Variants in FOXK2 observed in about 807,000 individuals in gnomAD.
FOXK2 encodes forkhead box K2.
A neutral mutation model predicts 53.3 loss-of-function variants in FOXK2; 24 were observed. The ratio of observed to expected loss-of-function variants is 0.45; its 90% CI spans 0.33 to 0.63. The LOEUF (loss-of-function observed/expected upper bound fraction) is 0.63. Among genes scored for constraint, FOXK2 ranks in the 30% least tolerant of loss-of-function variants. The pLI is 0.03. For missense variants in FOXK2, 952 were observed against 910.5 expected, an observed-to-expected ratio of 1.05 and a Z score of -0.59; for synonymous variants, 505 against 407.1, an observed-to-expected ratio of 1.24 and a Z score of -2.89.
intron 8 of FOXK2, among the ~76,000 whole-genome samples, chr17:82,596,640 T>C (rs1598241385): frequency 6.6e-6 from 1 of 152,246 alleles, no homozygotes; most frequent in Admixed American, 6.5e-5. Context: ...CTTTGTTCTT[T>C]TTAAAAATCG....
intron 1 of FOXK2, among the ~76,000 whole-genome samples, chr17:82,555,497 A>G (rs527941845): frequency 6.6e-6 from 1 of 152,312 alleles, no homozygotes; most frequent in Admixed American, 6.5e-5. Flanking sequence ...ACCTGAAAAC[A>G]GTTTTAATGT....
At position 82,557,921 on chromosome 17, in the gene FOXK2, G is replaced by A. The variant is rs540681462; in HGVS notation, c.420-5433G>A. Among the ~76,000 whole-genome samples, 31 of 152,188 alleles carry A rather than the reference G, an allele frequency of 2.0e-4. 1 individual carries two copies. The South Asian group carries it at 5.2e-3, about 25-fold the overall frequency. On this transcript the variant is annotated intron_variant, in intron 1 of 8. Coordinates refer to ENST00000335255, the MANE Select transcript of FOXK2 (RefSeq NM_004514.4). Reference sequence around the variant, plus strand: ...TCCTGCTTTGGCCTCCCTCAATGCCGGGATTACAGGTGTGAGCAACCGCGT... The same window carrying A: ...TCCTGCTTTGGCCTCCCTCAATGCCAGGATTACAGGTGTGAGCAACCGCGT...
chr17:82,597,056 G>C (rs1238651647), intron 8 of FOXK2, among the ~76,000 whole-genome samples: 1 of 152,172 alleles, frequency 6.6e-6, no homozygotes, highest in Non-Finnish European at 1.5e-5. Flanking sequence ...CTCTGGGTGT[G>C]CCCAGGGGCA....
intron 4 of FOXK2, among the ~76,000 whole-genome samples, chr17:82,579,335 C>T (rs1031199860): frequency 9.2e-5 from 14 of 152,152 alleles, no homozygotes; most frequent in South Asian, 4.1e-4. Flanking sequence ...AAAGATTGGG[C>T]GTCAGCTAAA....
chr17:82,539,008 G>A (rs2044547913), intron 1 of FOXK2, among the ~76,000 whole-genome samples: 1 of 152,262 alleles, frequency 6.6e-6, no homozygotes, highest in Non-Finnish European at 1.5e-5. Flanking sequence ...ACTGAGAGGT[G>A]ATGGGATTTC....
At position 82,601,348 on chromosome 17, in the gene FOXK2, C is replaced by G; in HGVS notation, c.1832C>G (p.Ser611Trp). The G allele has an allele frequency of 6.2e-7, 1 of 1,613,306 alleles. No individual in the cohort carries two copies. Among genetic ancestry groups the G allele is most frequent in the Non-Finnish European group, 8.5e-7 (1 of 1,180,028 alleles). The change falls in exon 9 of 9, where the codon TCG becomes TGG. Residue 611 changes from serine (S) to tryptophan (W), a missense_variant. Ser to Trp is a radical substitution (Grantham distance 177). This residue lies in a region of FOXK2 where 551 missense variants were observed against 385.1 expected (regional missense o/e 1.43). Coordinates refer to ENST00000335255, the MANE Select transcript of FOXK2 (RefSeq NM_004514.4). ...LHMLATHASA[S>W]ASLPTKRHNG... ...ATGTTGGCAACACACGCATCCGCAT[C>G]GGCCTCCCTGCCCACAAAGCGCCAC...
At chr17:82,553,205 G>A (rs1459365692) in intron 1 of FOXK2, among the ~76,000 whole-genome samples, 2 of 152,236 alleles carry the variant, frequency 1.3e-5, no homozygotes, top group Non-Finnish European at 2.9e-5. Flanking sequence ...CAAAGTGCTG[G>A]GATTACAGGC....
intron 4 of FOXK2, among the ~76,000 whole-genome samples, chr17:82,574,658 T>A (rs1385848592): frequency 6.6e-6 from 1 of 152,202 alleles, no homozygotes; most frequent in Non-Finnish European, 1.5e-5. Flanking sequence ...AGCTGTACCC[T>A]TGGCTGTCAG....
chr17:82,544,209 G>A (rs527511596), intron 1 of FOXK2, among the ~76,000 whole-genome samples: 7 of 152,260 alleles, frequency 4.6e-5, no homozygotes, highest in East Asian at 1.9e-4. Flanking sequence ...CACTGCGCCC[G>A]GCCAAGCTTT....
chr17:82,541,049 C>G (rs911470307), intron 1 of FOXK2, among the ~76,000 whole-genome samples: 1 of 151,978 alleles, frequency 6.6e-6, no homozygotes, highest in Non-Finnish European at 1.5e-5. Context: ...GCCCTCCCAG[C>G]GGTTGGAGGG....
At chr17:82,524,070 G>A (rs2144037673) in intron 1 of FOXK2, among the ~76,000 whole-genome samples, 1 of 151,992 alleles carries the variant, frequency 6.6e-6, no homozygotes, top group Admixed American at 6.6e-5. Context: ...TGTGTTTTTT[G>A]TAGCAACAGA....
intron 1 of FOXK2, among the ~76,000 whole-genome samples, chr17:82,562,318 C>T (rs1016777590): frequency 3.9e-5 from 6 of 152,150 alleles, no homozygotes; most frequent in African/African-American, 7.2e-5. Flanking sequence ...CCATGGCTCA[C>T]GCCTGTAATC....
intron 1 of FOXK2, among the ~76,000 whole-genome samples, chr17:82,527,227 G>A (rs1257435453): frequency 3.3e-5 from 5 of 152,052 alleles, no homozygotes; most frequent in Non-Finnish European, 5.9e-5. Flanking sequence ...TTTAAGCTCC[G>A]CCTCCTGGGT....
intron 2 of FOXK2, among the ~76,000 whole-genome samples, chr17:82,564,247 C>T (rs1364712475): frequency 4.6e-5 from 7 of 151,762 alleles, no homozygotes; most frequent in Admixed American, 1.3e-4. Flanking sequence ...GCCACCATAC[C>T]CGGCTAATTT....
intron 1 of FOXK2, among the ~76,000 whole-genome samples, chr17:82,523,457 A>G (rs2044386840): frequency 6.6e-6 from 1 of 150,924 alleles, no homozygotes; most frequent in Non-Finnish European, 1.5e-5. Flanking sequence ...AAATGCAGAT[A>G]AATTGTTTAA....
chr17:82,577,143 CAA>C (rs1475519534), intron 4 of FOXK2: 6 of 713,450 alleles, frequency 8.4e-6, no homozygotes, highest in African/African-American at 3.6e-5. Flanking sequence ...GCCTGGGCAA[CAA>C]GAGCAAAACT....
intron 4 of FOXK2, among the ~76,000 whole-genome samples, chr17:82,580,209 CAT>C (rs2045042515): frequency 6.9e-6 from 1 of 144,942 alleles, no homozygotes; most frequent in Non-Finnish European, 1.5e-5. Context: ...CCCTCCCACA[CAT>C]GGCCCAGCCC....
At chr17:82,573,560 T>TCACACACACACA (rs1407940714) in intron 4 of FOXK2, among the ~76,000 whole-genome samples, 7 of 101,806 alleles carry the variant, frequency 6.9e-5, no homozygotes, top group African/African-American at 2.7e-4. Flanking sequence ...TCTCTCTCTC[T>TCACACACACACA]CTCACACACA....
chr17:82,596,980 A>G (rs1598241671), intron 8 of FOXK2, among the ~76,000 whole-genome samples: 1 of 152,196 alleles, frequency 6.6e-6, no homozygotes, highest in African/African-American at 2.4e-5. Flanking sequence ...GCTCTCACGG[A>G]ACACAGAGCA....
Sources: allele counts gnomAD v4.1 joint callset (sites outside exome capture counted in the v4.1 genomes callset), GRCh38; gene constraint gnomAD v4.1.1; regional missense constraint gnomAD v4.1.1; transcripts MANE v1.5; gene names NCBI Gene and HGNC (gene_info 2026-07-23, HGNC 2026-07-21).